The following CHRM2 variants were observed in gnomAD, a reference collection of about 807,000 sequenced individuals.
CHRM2 encodes the protein cholinergic receptor muscarinic 2, also known as muscarinic acetylcholine receptor M2.
A neutral mutation model predicts 25.0 loss-of-function variants in CHRM2; 8 were observed. The observed-to-expected ratio is 0.32, with a 90% CI of 0.19 to 0.58. CHRM2 has a LOEUF of 0.58. Among genes scored for constraint, CHRM2 ranks in the 20% least tolerant of loss-of-function variants. The pLI is 0.88. For synonymous variants in CHRM2, 202 were observed against 205.7 expected, an observed-to-expected ratio of 0.98 and a Z score of 0.15; for missense variants, 440 against 567.1, an observed-to-expected ratio of 0.78 and a Z score of 2.28.
chr7:137,004,360 C>T (rs1035307991), intron 3 of CHRM2, among the ~76,000 whole-genome samples: 1 of 152,100 alleles, frequency 6.6e-6, no homozygotes, highest in African/African-American at 2.4e-5. Flanking sequence ...AGCTTTCACA[C>T]TGGGCATAGT....
At chr7:136,983,414 C>A (rs989768080) in intron 2 of CHRM2, among the ~76,000 whole-genome samples, 2 of 150,838 alleles carry the variant, frequency 1.3e-5, no homozygotes, top group African/African-American at 4.8e-5. Flanking sequence ...TATTACCCAC[C>A]TTCTGAGGTC....
chr7:137,005,085 T>A (rs530516808), intron 3 of CHRM2, among the ~76,000 whole-genome samples: 1 of 152,200 alleles, frequency 6.6e-6, no homozygotes, highest in South Asian at 2.1e-4. Context: ...GAACCAAGAT[T>A]TAGCTATATG....
intron 2 of CHRM2, among the ~76,000 whole-genome samples, chr7:136,964,247 A>G (rs1200613375): frequency 2.6e-5 from 4 of 152,114 alleles, no homozygotes; most frequent in Non-Finnish European, 5.9e-5. Flanking sequence ...ATGTTTTTAA[A>G]TGAAAATTAA....
intron 2 of CHRM2, among the ~76,000 whole-genome samples, chr7:136,938,874 G>T (rs191073265): frequency 0.015 from 1,616 of 110,766 alleles, 36 homozygotes; most frequent in African/African-American, 0.052. Context: ...CTACAAAGTT[G>T]CTTTTTTTTT....
intron 2 of CHRM2, among the ~76,000 whole-genome samples, chr7:136,919,296 T>C (rs1025947509): frequency 1.1e-4 from 17 of 152,142 alleles, no homozygotes; most frequent in Admixed American, 1.0e-3. Flanking sequence ...AAGATGCTTT[T>C]ACTAAACTTT....
chr7:137,015,746 C>T lies in CHRM2; in HGVS notation c.881C>T (p.Ser294Phe). 1 of 1,613,196 alleles carries T rather than the reference C, an allele frequency of 6.2e-7. No individual in the cohort carries two copies. The highest frequency in any genetic ancestry group is 8.5e-7 in the Non-Finnish European group (1 of 1,179,530). The part of the protein sequence containing the change: ...NDSTSVSAVA[S>F]NMRDDEITQD... ...TCCACCTCAGTCAGTGCTGTTGCCT[C>T]TAATATGAGAGATGATGAAATAACC... Residue 294 changes from serine to phenylalanine, a missense_variant, in exon 4 of 4, where the codon TCT (serine) becomes TTT (phenylalanine). Ser to Phe is a radical substitution (Grantham distance 155). This residue lies in a region of CHRM2 where 261 missense variants were observed against 261.8 expected (regional missense o/e 1.00). Coordinates refer to ENST00000680005, the MANE Select transcript of CHRM2 (RefSeq NM_001006630.2). This position sits in a 1 kb window ranked among gnomAD's most constrained non-coding sequence, Gnocchi z 5.1.
intron 2 of CHRM2, among the ~76,000 whole-genome samples, chr7:136,987,810 G>A (rs913951240): frequency 3.3e-5 from 5 of 151,936 alleles, no homozygotes; most frequent in Admixed American, 2.6e-4. Context: ...AAACACATTC[G>A]GACTTCAATT....
chr7:136,979,345 G>A (rs1802326331), intron 2 of CHRM2, among the ~76,000 whole-genome samples: 1 of 152,172 alleles, frequency 6.6e-6, no homozygotes, highest in South Asian at 2.1e-4. Context: ...CTGGATATTA[G>A]TGCTTTGTCA....
In CHRM2 at chr7:137,016,421, C is replaced by A; in HGVS notation, c.*155C>A. 1 of 797,452 alleles carries A rather than the reference C, an allele frequency of 1.3e-6. No individual in the cohort carries two copies. The highest frequency in any genetic ancestry group is 2.0e-6 in the Non-Finnish European group (1 of 494,274). 49.4% of individuals were successfully genotyped at this position (797,452 alleles called of 1,614,324 possible). The stretch of plus-strand genomic sequence containing the variant: ...GCCCAGCAGTGACACACTTATCACG[C>A]CTAGGCTCCAGTTTGCAAAAATTGC... On this transcript the variant is annotated 3_prime_UTR_variant, in exon 4 of 4. Coordinates refer to ENST00000680005, the MANE Select transcript of CHRM2 (RefSeq NM_001006630.2).
At position 136,892,215 on chromosome 7, in the gene CHRM2, T is replaced by C. The variant is rs1302453071; in HGVS notation, c.-125+22797T>C. Among the ~76,000 whole-genome samples the C allele has an allele frequency of 2.6e-5, 4 of 152,370 alleles. No individual in the cohort carries two copies. The East Asian group carries it at 7.7e-4, about 29-fold the overall frequency. ...CCAAAATTCTTGACAGTTGGTGAAT[T>C]GTGCTTCCTTTAATTTATTTAACAT... On this transcript the variant is annotated intron_variant, in intron 2 of 3. Coordinates refer to ENST00000680005, the MANE Select transcript of CHRM2 (RefSeq NM_001006630.2).
chr7:137,008,051 G>C (rs1286076829), intron 3 of CHRM2, among the ~76,000 whole-genome samples: 2 of 151,996 alleles, frequency 1.3e-5, no homozygotes, highest in Non-Finnish European at 2.9e-5. Flanking sequence ...TTATATACCT[G>C]AATGGTCATC....
chr7:136,947,145 G>T (rs1211962452), intron 2 of CHRM2, among the ~76,000 whole-genome samples: 9 of 152,148 alleles, frequency 5.9e-5, no homozygotes, highest in Non-Finnish European at 1.3e-4. Flanking sequence ...GATTTGGAAG[G>T]TCCTATGTCC....
intron 2 of CHRM2, among the ~76,000 whole-genome samples, chr7:136,941,678 G>A (rs575808697): frequency 3.9e-5 from 6 of 152,346 alleles, no homozygotes; most frequent in Non-Finnish European, 7.3e-5. Flanking sequence ...TACAGGCAAA[G>A]TCTAGTGAAA....
chr7:136,946,249 T>C (rs962600965), intron 2 of CHRM2, among the ~76,000 whole-genome samples: 2 of 152,178 alleles, frequency 1.3e-5, no homozygotes, highest in African/African-American at 4.8e-5. Flanking sequence ...AACTTCAAGG[T>C]GTTTGATGTT....
intron 2 of CHRM2, among the ~76,000 whole-genome samples, chr7:136,961,140 A>T (rs565806775): frequency 1.3e-5 from 2 of 152,206 alleles, no homozygotes; most frequent in Non-Finnish European, 2.9e-5. Flanking sequence ...AAAATTAATT[A>T]AAAAAACCAT....
chr7:136,936,794 C>A (rs1479968933), intron 2 of CHRM2, among the ~76,000 whole-genome samples: 2 of 152,082 alleles, frequency 1.3e-5, no homozygotes, highest in African/African-American at 4.8e-5. Context: ...TTAATAGGTT[C>A]TAATACATTT....
intron 3 of CHRM2, among the ~76,000 whole-genome samples, chr7:137,002,021 C>T (rs1266960425): frequency 6.6e-6 from 1 of 151,696 alleles, no homozygotes; most frequent in Non-Finnish European, 1.5e-5. Flanking sequence ...AAGAATCTTG[C>T]TAAAAGGAAT....
At chr7:137,002,232 T>C (rs1032716600) in intron 3 of CHRM2, among the ~76,000 whole-genome samples, 6 of 152,212 alleles carry the variant, frequency 3.9e-5, no homozygotes, top group Admixed American at 6.6e-5. Context: ...AAGTTGTTTA[T>C]TTGAAAATAG....
chr7:136,947,181 T>C (rs1166604552), intron 2 of CHRM2, among the ~76,000 whole-genome samples: 1 of 152,194 alleles, frequency 6.6e-6, no homozygotes, highest in Non-Finnish European at 1.5e-5. Flanking sequence ...TTTGGAACAC[T>C]GTGAAAGCTG....
Sources: gnomAD v4.1 joint callset for allele counts (sites outside exome capture counted in the v4.1 genomes callset) on GRCh38, gnomAD v4.1.1 for gene constraint, gnomAD v4.1.1 regional missense constraint, Gnocchi (gnomAD v3.1) non-coding constraint, MANE v1.5 for transcripts, NCBI Gene and HGNC (gene_info 2026-07-23, HGNC 2026-07-21) for gene names.